The following TES variants were observed in gnomAD, a reference collection of about 807,000 sequenced individuals.
TES encodes the protein testin.
A neutral mutation model predicts 48.2 loss-of-function variants in TES; 41 were observed. The ratio of observed to expected loss-of-function variants is 0.85; its 90% confidence interval spans 0.66 to 1.10. The LOEUF (loss-of-function observed/expected upper bound fraction) is 1.10, where lower values mean the gene tolerates loss of function less well. Among genes scored for constraint, TES ranks in the 50% least tolerant of loss-of-function variants. The probability of loss-of-function intolerance (pLI) is 0.00; values close to 1 mark genes in which losing one functional copy is unlikely to be tolerated. For missense variants in TES, 463 were observed against 515.1 expected, an observed-to-expected ratio of 0.90 and a Z score of 0.98; for synonymous variants, 162 against 174.9, an observed-to-expected ratio of 0.93 and a Z score of 0.58.
In TES at chr7:116,250,236, A is replaced by C. The variant is rs148268755; in HGVS notation, c.442A>C (p.Lys148Gln). The C allele has an allele frequency of 1.9e-6, 3 of 1,608,394 alleles. No individual in the cohort carries two copies. The highest frequency in any genetic ancestry group is 2.5e-6 in the Non-Finnish European group (3 of 1,177,548). ...CTCAGAGGGGGCACAGTACCGGAAG[A>C]AGCAGCTGGCAAAGCAGCTCCCTGC... ...AGSEGAQYRK[K>Q]QLAKQLPAHD... The change falls in exon 4 of 7, where the codon AAG (lysine) becomes CAG (glutamine). Residue 148 changes from lysine (K) to glutamine (Q), a missense_variant. Transcript: ENST00000358204.
At chr7:116,243,472 T>G (rs115360170) in intron 2 of TES, among the ~76,000 whole-genome samples, 82 of 152,320 alleles carry the variant, frequency 5.4e-4, no homozygotes, top group African/African-American at 1.8e-3. Context: ...GCACAGATGA[T>G]CTCTTTAACT....
At chr7:116,228,071 G>T (rs1799648114) in intron 1 of TES, among the ~76,000 whole-genome samples, 1 of 150,986 alleles carries the variant, frequency 6.6e-6, no homozygotes, top group African/African-American at 2.4e-5. Flanking sequence ...GGTCAGAAGG[G>T]TCACCTGAAA....
At chr7:116,251,657 TG>T in intron 4 of TES, 102 bp from the exon 5 acceptor site, 1 of 1,081,662 alleles carries the variant, frequency 9.2e-7, no homozygotes, top group Non-Finnish European at 1.4e-6. Context: ...GACTCCAGCC[TG>T]GGCGACAGAG....
Position 116,257,800 on chromosome 7 carries a change from G to A in TES, c.*318G>A, listed in dbSNP as rs1172082631. 1 of 179,836 alleles carries A rather than the reference G, an allele frequency of 5.6e-6. No homozygotes were observed. Among genetic ancestry groups the A allele is most frequent in the African/African-American group, 2.4e-5 (1 of 42,310 alleles). 11.1% of individuals were successfully genotyped at this position (179,836 alleles called of 1,614,324 possible). ...TTCCATTTGTGCCACACACTTAAAAGTTAGTGTACTGAATGGAAAGATGAG... is the reference window on the plus strand; with the variant it reads ...TTCCATTTGTGCCACACACTTAAAAATTAGTGTACTGAATGGAAAGATGAG... On this transcript the variant is annotated 3_prime_UTR_variant, in exon 7 of 7. Transcript: ENST00000358204.
chr7:116,253,409 T>G (rs1484775130), intron 6 of TES, among the ~76,000 whole-genome samples: 3 of 152,198 alleles, frequency 2.0e-5, no homozygotes, highest in Non-Finnish European at 4.4e-5. Flanking sequence ...TTACAACCAT[T>G]CTACTTTAGA....
chr7:116,249,307 A>G lies in TES; in HGVS notation c.366+35A>G, dbSNP rs763698529. The G allele has an allele frequency of 3.7e-6, 6 of 1,611,904 alleles. No homozygotes were observed. The African/African-American group carries it at 8.0e-5, about 22-fold the overall frequency. ...ATGGAACAGAGAGTTTCTTTATTGA[A>G]GTTCCTGGAGTATTTATTTGGGGCA... On this transcript the variant is annotated intron_variant, in intron 3 of 6. Coordinates refer to ENST00000358204, the MANE Select transcript of TES (RefSeq NM_015641.4).
chr7:116,256,640 G>A (rs1404612887), intron 6 of TES, among the ~76,000 whole-genome samples: 1 of 152,050 alleles, frequency 6.6e-6, no homozygotes, highest in Non-Finnish European at 1.5e-5. Context: ...TGTATGTCAT[G>A]TATATATACA....
chr7:116,252,242 C>G (rs2116630366), intron 5 of TES, 76 bp from the exon 6 acceptor site: 7 of 1,451,902 alleles, frequency 4.8e-6, no homozygotes, highest in Non-Finnish European at 6.5e-6. Flanking sequence ...AACTTTAGAC[C>G]CTGAGAAAGT....
At chr7:116,250,632 T>G (rs117421687) in intron 4 of TES, 136 bp downstream of exon 4, 12,415 of 703,100 alleles carry the variant, frequency 0.018, 159 homozygotes, top group Middle Eastern at 0.024. Context: ...AGGATTTAGA[T>G]TCAGTTTAGA....
chr7:116,228,021 TG>T (rs368676578), intron 1 of TES, among the ~76,000 whole-genome samples: 2 of 139,242 alleles, frequency 1.4e-5, no homozygotes, highest in African/African-American at 5.6e-5. Context: ...TTTTTTTTTT[TG>T]TTTTTTTTTA....
At chr7:116,227,161 A>G (rs1799632904) in intron 1 of TES, among the ~76,000 whole-genome samples, 2 of 151,594 alleles carry the variant, frequency 1.3e-5, no homozygotes, top group African/African-American at 4.8e-5. Context: ...TCTGTCACCC[A>G]GGCTGGAGTG....
intron 2 of TES, among the ~76,000 whole-genome samples, chr7:116,241,170 T>C (rs1231365544): frequency 6.6e-6 from 1 of 152,362 alleles, no homozygotes; most frequent in Admixed American, 6.5e-5. Flanking sequence ...GGTTTTTCTT[T>C]TAATAAATGT....
At chr7:116,210,778 G>A (rs960324368) in intron 1 of TES, 44 bp downstream of exon 1, 188 of 1,233,510 alleles carry the variant, frequency 1.5e-4, no homozygotes, top group Non-Finnish European at 1.8e-4. Flanking sequence ...TCACCTGCGC[G>A]GGTCGCGCGG....
chr7:116,229,701 C>T (rs1799673353), intron 1 of TES, among the ~76,000 whole-genome samples: 1 of 152,136 alleles, frequency 6.6e-6, no homozygotes, highest in Non-Finnish European at 1.5e-5. Context: ...TGATTAGATG[C>T]CTCAGTTGGA....
intron 1 of TES, among the ~76,000 whole-genome samples, chr7:116,221,196 A>G (rs964306922): frequency 1.3e-5 from 2 of 152,112 alleles, no homozygotes; most frequent in African/African-American, 4.8e-5. Context: ...AATTATTCTG[A>G]TTTATATTTT....
chr7:116,218,696 G>T (rs1485072577), intron 1 of TES, among the ~76,000 whole-genome samples: 2 of 152,014 alleles, frequency 1.3e-5, no homozygotes, highest in African/African-American at 4.8e-5. Context: ...ACCTTTGATA[G>T]ATTTTTTTTT....
Position 116,234,548 on chromosome 7 carries a change from C to T in TES, c.42C>T (p.His14=), listed in dbSNP as rs761630621. The T allele has an allele frequency of 3.2e-5, 51 of 1,613,558 alleles. 1 individual carries two copies. Among genetic ancestry groups the T allele is most frequent in the African/African-American group, 1.1e-4 (8 of 74,884 alleles). Residue 14 remains histidine (H), a synonymous_variant, in exon 2 of 7, where the codon CAC becomes CAT. Transcript: ENST00000358204. ...CTTTTTAACAGATGGGCTTAGGTCA[C>T]GAGCAAGGATTTGGAGCCCCTTGTT... The part of the protein sequence containing the change: ...ENKVKKMGLG[H]EQGFGAPCLK...
At chr7:116,247,557 TCAC>T (rs1041112154) in intron 2 of TES, among the ~76,000 whole-genome samples, 1 of 152,208 alleles carries the variant, frequency 6.6e-6, no homozygotes, top group East Asian at 1.9e-4. Flanking sequence ...ATTGGGGCCA[TCAC>T]CACTTCTTTC....
intron 1 of TES, among the ~76,000 whole-genome samples, chr7:116,225,072 T>G (rs1022434241): frequency 5.9e-5 from 9 of 151,822 alleles, no homozygotes; most frequent in African/African-American, 2.2e-4. Flanking sequence ...TATATGTATT[T>G]TAGCTGGCAG....
Sources: gnomAD v4.1 joint callset for allele counts (sites outside exome capture counted in the v4.1 genomes callset) on GRCh38, gnomAD v4.1.1 for gene constraint, MANE v1.5 for transcripts, NCBI Gene and HGNC (gene_info 2026-07-23, HGNC 2026-07-21) for gene names.